Variants in NCOA2 observed in about 807,000 individuals in gnomAD.
The protein encoded by NCOA2 is nuclear receptor coactivator 2.
A neutral mutation model predicts 145.1 loss-of-function variants in NCOA2; 21 were observed. The observed-to-expected ratio is 0.14, with a 90% confidence interval of 0.10 to 0.21. The LOEUF is 0.21. Among genes scored for constraint, NCOA2 ranks in the 10% least tolerant of loss-of-function variants. The pLI, the probability that NCOA2 is intolerant of heterozygous loss-of-function variation, is 1.00. For synonymous variants in NCOA2, 619 were observed against 637.5 expected (o/e 0.97, Z 0.44); for missense variants, 1,472 against 1,837.6 (o/e 0.80, Z 3.64).
chr8:70,337,469 T>C (rs1473319112), intron 1 of NCOA2, among the ~76,000 whole-genome samples: 1 of 152,100 alleles, frequency 6.6e-6, no homozygotes, highest in East Asian at 1.9e-4. Context: ...ACTCGAATAG[T>C]GATCCTATAC....
At chr8:70,304,499 C>A (rs1306298354) in intron 1 of NCOA2, among the ~76,000 whole-genome samples, 1 of 151,246 alleles carries the variant, frequency 6.6e-6, no homozygotes, top group Non-Finnish European at 1.5e-5. Context: ...ACAAGTCTTG[C>A]ACTGTCGCCC....
the NCOA2 span, among the ~76,000 whole-genome samples, chr8:70,433,887 T>C: frequency 3.2e-4 from 48 of 152,322 alleles, no homozygotes; most frequent in African/African-American, 1.1e-3. Flanking sequence ...TGTTAAGTTT[T>C]ATGTAATTTG....
chr8:70,358,079 A>G (rs547498300), intron 1 of NCOA2, among the ~76,000 whole-genome samples: 1 of 152,104 alleles, frequency 6.6e-6, no homozygotes, highest in African/African-American at 2.4e-5. Flanking sequence ...CAACAACAAA[A>G]AAAACCCTAC....
intron 1 of NCOA2, among the ~76,000 whole-genome samples, chr8:70,380,954 T>G (rs544755738): frequency 1.9e-4 from 29 of 151,864 alleles, no homozygotes; most frequent in African/African-American, 6.5e-4. Context: ...TGCCCGCCTG[T>G]GGTCCCGACT....
chr8:70,276,149 C>T (rs1825448065), intron 2 of NCOA2, among the ~76,000 whole-genome samples: 1 of 151,820 alleles, frequency 6.6e-6, no homozygotes, highest in East Asian at 1.9e-4. Context: ...AAAGGAGGCA[C>T]AGATCATTAA....
At chr8:70,406,640 G>A (rs567647199), upstream of NCOA2, among the ~76,000 whole-genome samples, 1 of 152,304 alleles carries the variant, frequency 6.6e-6, no homozygotes, top group East Asian at 1.9e-4. Context: ...AATCATAAAT[G>A]CAGCATGGAA....
chr8:70,140,798 T>A (rs1810319187), intron 14 of NCOA2, among the ~76,000 whole-genome samples: 1 of 151,932 alleles, frequency 6.6e-6, no homozygotes, highest in Admixed American at 6.6e-5. Context: ...GGTTTCACCA[T>A]GTTGGCCAGG....
intron 1 of NCOA2, among the ~76,000 whole-genome samples, chr8:70,354,643 A>G (rs1406179644): frequency 6.6e-6 from 1 of 152,232 alleles, no homozygotes; most frequent in Admixed American, 6.5e-5. Flanking sequence ...ATATGTTTCT[A>G]ATCTCCAAGT....
At chr8:70,189,172 G>A (rs1418365011) in intron 4 of NCOA2, among the ~76,000 whole-genome samples, 1 of 152,060 alleles carries the variant, frequency 6.6e-6, no homozygotes, top group African/African-American at 2.4e-5. Flanking sequence ...TTCATTTGGG[G>A]TGTCTCTCTA....
chr8:70,165,197 T>C (rs1345091327), intron 7 of NCOA2, among the ~76,000 whole-genome samples: 1 of 152,244 alleles, frequency 6.6e-6, no homozygotes, highest in African/African-American at 2.4e-5. Flanking sequence ...TAAAATCATT[T>C]GACCTAGGCA....
intron 2 of NCOA2, among the ~76,000 whole-genome samples, chr8:70,296,375 T>G (rs1194576941): frequency 1.3e-5 from 2 of 152,184 alleles, no homozygotes; most frequent in African/African-American, 4.8e-5. Flanking sequence ...TCTTTTATGC[T>G]AGTTTGCTAA....
chr8:70,343,659 C>T (rs752433301), intron 1 of NCOA2, among the ~76,000 whole-genome samples: 31 of 151,782 alleles, frequency 2.0e-4, no homozygotes, highest in Admixed American at 6.6e-4. Context: ...ACTAAAAATA[C>T]AAAAATTAGC....
At chr8:70,429,847 T>C in the NCOA2 span, among the ~76,000 whole-genome samples, 276 of 152,262 alleles carry the variant, frequency 1.8e-3, 5 homozygotes, top group African/African-American at 6.3e-3. Context: ...ACCTTTGCTT[T>C]TGTTTTTGTG....
intron 1 of NCOA2, among the ~76,000 whole-genome samples, chr8:70,335,151 A>ATT (rs1563776005): frequency 1.4e-5 from 2 of 143,880 alleles, no homozygotes; most frequent in East Asian, 2.0e-4. Flanking sequence ...AAAAAAAAAA[A>ATT]AAGATCTCTC....
the NCOA2 span, among the ~76,000 whole-genome samples, chr8:70,453,951 G>A: frequency 6.6e-6 from 1 of 152,178 alleles, no homozygotes; most frequent in Non-Finnish European, 1.5e-5. Context: ...AGGAGGGTGA[G>A]ATCCTTGTGA....
chr8:70,421,614 A>G, the NCOA2 span, among the ~76,000 whole-genome samples: 1 of 152,026 alleles, frequency 6.6e-6, no homozygotes. Context: ...TTCCGAAAAC[A>G]TAAAAACTAT....
chr8:70,427,458 T>C, the NCOA2 span, among the ~76,000 whole-genome samples: 1 of 152,170 alleles, frequency 6.6e-6, no homozygotes, highest in Non-Finnish European at 1.5e-5. Flanking sequence ...TAATCTTACA[T>C]CTCTATTTAA....
Position 70,170,208 on chromosome 8 carries a change from A to G in NCOA2, c.535T>C (p.Ser179Pro). ...AGACCCAGCAGACATTTACCTATAG[A>G]CTTTGGCAGCAGGTTTTTGACAAAT... The part of the protein sequence containing the change: ...TEFVKNLLPK[S>P]IVNGGSWSGE... Residue 179 changes from serine (S) to proline (P), a missense_variant, in exon 6 of 23, where the codon TCT (serine) becomes CCT (proline). Physicochemically the swap from Ser to Pro is moderately conservative, Grantham distance 74. Around this residue, in one of 4 missense-constraint regions of NCOA2, gnomAD observed 284 missense variants for 467.8 expected, o/e 0.61. Coordinates refer to ENST00000452400, the MANE Select transcript of NCOA2 (RefSeq NM_006540.4). The G allele has an allele frequency of 6.2e-7, 1 of 1,613,110 alleles. No homozygotes were observed. The highest frequency in any genetic ancestry group is 2.2e-5 in the East Asian group (1 of 44,854).
intron 1 of NCOA2, among the ~76,000 whole-genome samples, chr8:70,362,848 T>A (rs937239942): frequency 2.0e-5 from 3 of 151,498 alleles, no homozygotes; most frequent in Non-Finnish European, 4.4e-5. Flanking sequence ...GAGGCCAAGG[T>A]GGGAGGACTG....
Sources: allele counts gnomAD v4.1 joint callset (sites outside exome capture counted in the v4.1 genomes callset), GRCh38; gene constraint gnomAD v4.1.1; regional missense constraint gnomAD v4.1.1; transcripts MANE v1.5; gene names NCBI Gene and HGNC (gene_info 2026-07-23, HGNC 2026-07-21).